Variants in DHX9 observed in about 807,000 individuals in gnomAD.
The protein encoded by DHX9 is DExH-box helicase 9.
In DHX9, 27 loss-of-function variants were observed where a neutral mutation model predicts 148.7. The observed-to-expected ratio is 0.18, with a 90% confidence interval of 0.13 to 0.25. The LOEUF (loss-of-function observed/expected upper bound fraction) is 0.25. DHX9 is among the 10% of genes least tolerant of loss of function. DHX9 has a pLI of 1.00. For missense variants in DHX9, 796 were observed against 1,559.6 expected (o/e 0.51, Z 8.25); for synonymous variants, 529 against 516.6 (o/e 1.02, Z -0.33).
At chr1:182,886,522 C>T (rs947293624) in intron 27 of DHX9, among the ~76,000 whole-genome samples, 2 of 152,082 alleles carry the variant, frequency 1.3e-5, no homozygotes, top group Non-Finnish European at 2.9e-5. Flanking sequence ...GACTTAGCTG[C>T]TGAATTGGTG....
chr1:182,856,416 ATTTT>A (rs1001873291), intron 6 of DHX9, 112 bp from the exon 7 acceptor site: 1 of 708,922 alleles, frequency 1.4e-6, no homozygotes, highest in Non-Finnish European at 2.4e-6. Flanking sequence ...AATGTTGGTA[ATTTT>A]TTTTTTCTGT....
intron 2 of DHX9, among the ~76,000 whole-genome samples, 177 bp downstream of exon 2, chr1:182,842,854 C>A (rs997609784): frequency 1.3e-5 from 2 of 152,192 alleles, no homozygotes; most frequent in African/African-American, 4.8e-5. Flanking sequence ...TTAAAACAAT[C>A]TGACAGGTAA....
chr1:182,871,609 A>G (rs1648555656), intron 14 of DHX9, among the ~76,000 whole-genome samples: 1 of 152,236 alleles, frequency 6.6e-6, no homozygotes, highest in Non-Finnish European at 1.5e-5. Flanking sequence ...TCACATTAGT[A>G]AATCTTGAAA....
intron 14 of DHX9, among the ~76,000 whole-genome samples, chr1:182,872,050 C>T (rs1253645089): frequency 1.3e-5 from 2 of 152,190 alleles, no homozygotes; most frequent in African/African-American, 2.4e-5. Flanking sequence ...AGATTATCTG[C>T]CCGCCTTGAC....
rs35533583 is a variant in DHX9, at chr1:182,876,211, C to T, written c.1977C>T (p.Gly659=). The T allele has an allele frequency of 0.033, 53,459 of 1,613,820 alleles. 1,081 individuals are homozygous for T. The highest frequency in any genetic ancestry group is 0.075 in the Admixed American group (4,475 of 60,014). Residue 659 remains glycine, a synonymous_variant, in exon 17 of 28, where the codon GGC becomes GGT. Transcript: ENST00000367549. ...GAGCTGTGTTGGTTTTTTTGCCTGG[C>T]TGGAATCTGATTTATACTATGCAGA... ...VPGAVLVFLP[G]WNLIYTMQKH... is the part of the protein sequence containing the mutation.
chr1:182,858,000 A>AT, intron 7 of DHX9, 104 bp from the exon 8 acceptor site: 1 of 1,222,604 alleles, frequency 8.2e-7, no homozygotes, highest in Non-Finnish European at 1.1e-6. Context: ...CATACCCTGT[A>AT]TTTTAGGGCT....
intron 10 of DHX9, 40 bp downstream of exon 10, chr1:182,858,934 T>G (rs1358684030): frequency 3.7e-6 from 6 of 1,612,112 alleles, no homozygotes; most frequent in Non-Finnish European, 4.2e-6. Context: ...GTCTTGTGTT[T>G]TACTCTTGAG....
rs935110613 is a variant in DHX9 at position 182,876,773 on chromosome 1, T to G, written c.2125-57T>G. ...TTTGTTACATACATAAGCAAATCAG[T>G]CCTTTTAAGTAACTAATAAGAATAT... On this transcript the variant is annotated intron_variant, in intron 18 of 27. Coordinates refer to ENST00000367549, the MANE Select transcript of DHX9 (RefSeq NM_001357.5). 6.8e-6 allele frequency: 9 copies of G among 1,327,900 alleles called. No homozygotes were observed. In the South Asian group the frequency reaches 7.4e-5, roughly 11 times the overall value. 82.3% of individuals were successfully genotyped at this position (1,327,900 alleles called of 1,614,324 possible).
At chr1:182,854,261 C>T (rs960571892) in intron 6 of DHX9, 83 bp downstream of exon 6, 61 of 1,277,830 alleles carry the variant, frequency 4.8e-5, no homozygotes, top group African/African-American at 4.4e-4. Context: ...TATTTTTGTA[C>T]GTTGTCTGGT....
chr1:182,859,608 G>GT (rs895322719), intron 11 of DHX9, among the ~76,000 whole-genome samples: 62 of 152,010 alleles, frequency 4.1e-4, no homozygotes, highest in African/African-American at 1.3e-3. Flanking sequence ...TGGAAGTTTG[G>GT]TTTTTTTGTT....
chr1:182,842,470 A>G, intron 1 of DHX9, 75 bp from the exon 2 acceptor site: 3 of 756,086 alleles, frequency 4.0e-6, no homozygotes. Flanking sequence ...ACCCAGATTC[A>G]GTAATCTAGA....
At chr1:182,860,920 G>T (rs2102602541) in intron 12 of DHX9, among the ~76,000 whole-genome samples, 1 of 152,290 alleles carries the variant, frequency 6.6e-6, no homozygotes, top group South Asian at 2.1e-4. Flanking sequence ...CAAATAGCCA[G>T]GTACTACCTC....
intron 16 of DHX9, 108 bp from the exon 17 acceptor site, chr1:182,875,942 G>A (rs1488290578): frequency 1.2e-6 from 1 of 841,564 alleles, no homozygotes; most frequent in Non-Finnish European, 1.9e-6. Flanking sequence ...TAGTCAACTA[G>A]AATAAATAAT....
At chr1:182,860,349 T>C (rs562495868) in intron 12 of DHX9, 165 bp downstream of exon 12, 2 of 561,714 alleles carry the variant, frequency 3.6e-6, no homozygotes, top group East Asian at 6.8e-5. Context: ...TTCTAATCTC[T>C]AGTATGCTAC....
intron 6 of DHX9, among the ~76,000 whole-genome samples, chr1:182,854,840 A>G (rs1241055077): frequency 3.9e-5 from 6 of 152,264 alleles, no homozygotes; most frequent in East Asian, 1.9e-4. Context: ...GGGTGTAGTA[A>G]TTATTACTCC....
intron 17 of DHX9, 36 bp downstream of exon 17, chr1:182,876,299 A>G (rs758685696): frequency 5.6e-6 from 9 of 1,603,862 alleles, no homozygotes; most frequent in Non-Finnish European, 7.7e-6. Flanking sequence ...TTTGAGAGTG[A>G]AAATGAATGT....
At chr1:182,863,101 G>T (rs1648060793) in intron 12 of DHX9, among the ~76,000 whole-genome samples, 1 of 152,202 alleles carries the variant, frequency 6.6e-6, no homozygotes, top group South Asian at 2.1e-4. Context: ...CCAGCTTTCT[G>T]TTGGAAAAAT....
intron 27 of DHX9, 113 bp downstream of exon 27, chr1:182,884,926 A>G: frequency 1.1e-6 from 1 of 925,320 alleles, no homozygotes; most frequent in Middle Eastern, 2.7e-4. Context: ...AATTCTAGAT[A>G]TAGATAGAGC....
intron 3 of DHX9, among the ~76,000 whole-genome samples, chr1:182,851,866 A>C (rs1571300890): frequency 6.6e-6 from 1 of 152,362 alleles, no homozygotes; most frequent in African/African-American, 2.4e-5. Context: ...ATACTTAAGA[A>C]ATGGAGTAGA....
Sources: gnomAD v4.1 joint callset for allele counts (sites outside exome capture counted in the v4.1 genomes callset) on GRCh38, gnomAD v4.1.1 for gene constraint, MANE v1.5 for transcripts, NCBI Gene and HGNC (gene_info 2026-07-23, HGNC 2026-07-21) for gene names.